MAP4K4: variants seen among roughly 807,000 people sequenced by gnomAD.
MAP4K4 encodes the protein mitogen-activated protein kinase kinase kinase kinase 4.
In MAP4K4, 38 loss-of-function variants were observed where a neutral mutation model predicts 189.6. The ratio of observed to expected loss-of-function variants is 0.20; its 90% CI spans 0.15 to 0.26. The LOEUF is 0.26. Among genes scored for constraint, MAP4K4 ranks in the 10% least tolerant of loss-of-function variants. MAP4K4 has a pLI of 1.00. For synonymous variants in MAP4K4, 610 were observed against 624.3 expected, an observed-to-expected ratio of 0.98 and a Z score of 0.34; for missense variants, 1,054 against 1,726.9, an observed-to-expected ratio of 0.61 and a Z score of 6.91.
At chr2:101,814,351 C>A (rs1360066228) in intron 3 of MAP4K4, among the ~76,000 whole-genome samples, 1 of 152,138 alleles carries the variant, frequency 6.6e-6, no homozygotes, top group Non-Finnish European at 1.5e-5. Flanking sequence ...TGAGTAACTT[C>A]TGTGGAAAGC....
At chr2:101,832,814 T>C (rs1411315371) in intron 7 of MAP4K4, among the ~76,000 whole-genome samples, 1 of 152,060 alleles carries the variant, frequency 6.6e-6, no homozygotes, top group Non-Finnish European at 1.5e-5. Context: ...TGTTTTTGTT[T>C]TTCCATAAAA....
intron 2 of MAP4K4, among the ~76,000 whole-genome samples, chr2:101,720,866 A>G (rs2051467569): frequency 6.6e-6 from 1 of 152,250 alleles, no homozygotes; most frequent in Non-Finnish European, 1.5e-5. Flanking sequence ...TGGTTTAGGC[A>G]TAGTTGATCA....
intron 7 of MAP4K4, among the ~76,000 whole-genome samples, chr2:101,833,348 T>A (rs1344751577): frequency 6.6e-6 from 1 of 152,148 alleles, no homozygotes; most frequent in Non-Finnish European, 1.5e-5. Context: ...TGGCCGGGCA[T>A]GGTGGCTCAC....
chr2:101,869,411 G>C (rs111695415), intron 21 of MAP4K4, among the ~76,000 whole-genome samples: 2 of 148,892 alleles, frequency 1.3e-5, no homozygotes, highest in Non-Finnish European at 1.5e-5. Flanking sequence ...ACTTTTTTTT[G>C]GTGTCTTCTA....
At chr2:101,712,679 A>G (rs1366426429) in intron 2 of MAP4K4, among the ~76,000 whole-genome samples, 4 of 151,268 alleles carry the variant, frequency 2.6e-5, no homozygotes, top group African/African-American at 9.7e-5. Flanking sequence ...TATTTTTAGT[A>G]GAGATGGATT....
chr2:101,851,819 T>G (rs1217163681), intron 12 of MAP4K4, among the ~76,000 whole-genome samples: 1 of 147,556 alleles, frequency 6.8e-6, no homozygotes, highest in African/African-American at 2.5e-5. Context: ...TGGGATAGTC[T>G]TGGGAGATTT....
chr2:101,714,209 A>G (rs1332798467), intron 2 of MAP4K4, among the ~76,000 whole-genome samples: 1 of 152,180 alleles, frequency 6.6e-6, no homozygotes, highest in African/African-American at 2.4e-5. Flanking sequence ...AACCATTTTC[A>G]TGTAATTTTT....
intron 2 of MAP4K4, among the ~76,000 whole-genome samples, chr2:101,734,427 TG>T (rs1361461760): frequency 2.6e-5 from 4 of 152,232 alleles, no homozygotes; most frequent in Non-Finnish European, 4.4e-5. Context: ...TAATTTAGTA[TG>T]GATATCAGGT....
At chr2:101,804,241 C>T (rs554521319) in intron 3 of MAP4K4, among the ~76,000 whole-genome samples, 16 of 152,144 alleles carry the variant, frequency 1.1e-4, no homozygotes, top group Non-Finnish European at 2.2e-4. Context: ...GCTTGCAGAT[C>T]GTTTTGCAAT....
At chr2:101,860,553 T>G (rs1444977374) in intron 15 of MAP4K4, 3 of 289,112 alleles carry the variant, frequency 1.0e-5, no homozygotes, top group African/African-American at 2.2e-5. Context: ...TTTTTTCTAC[T>G]TCATCATCAT....
At chr2:101,805,072 C>CAAAAA (rs36081384) in intron 3 of MAP4K4, among the ~76,000 whole-genome samples, 146 of 56,214 alleles carry the variant, frequency 2.6e-3, no homozygotes, top group African/African-American at 3.6e-3. Context: ...GACTCCAGAT[C>CAAAAA]AAAAAAAAAA....
exon 33 of MAP4K4, chr2:101,891,785 A>G (rs2098570950): frequency 2.0e-5 from 3 of 150,804 alleles, no homozygotes; most frequent in Admixed American, 6.6e-5. Context: ...AAAGAAGAAG[A>G]TGCAGGTTTA....
chr2:101,750,072 T>C (rs377091773), intron 2 of MAP4K4, among the ~76,000 whole-genome samples: 6 of 149,898 alleles, frequency 4.0e-5, no homozygotes, highest in South Asian at 2.1e-4. Context: ...GGACTGTAAA[T>C]TAGTTCAACC....
chr2:101,778,922 C>A (rs1482621491), intron 2 of MAP4K4, among the ~76,000 whole-genome samples: 1 of 152,124 alleles, frequency 6.6e-6, no homozygotes. Flanking sequence ...CGGAATTCCA[C>A]CTCACCCCTC....
intron 3 of MAP4K4, among the ~76,000 whole-genome samples, chr2:101,798,003 C>T (rs544143707): frequency 6.8e-6 from 1 of 146,732 alleles, no homozygotes; most frequent in Non-Finnish European, 1.5e-5. Context: ...CATCGTACCT[C>T]AAATTCCTAG....
chr2:101,698,972 A>G (rs1484244935), intron 2 of MAP4K4, among the ~76,000 whole-genome samples: 3 of 152,174 alleles, frequency 2.0e-5, no homozygotes, highest in African/African-American at 7.2e-5. Flanking sequence ...GCCTCCACTC[A>G]GTGCTTGCCA....
chr2:101,849,157 G>C (rs1367813141), intron 12 of MAP4K4, among the ~76,000 whole-genome samples: 6 of 152,100 alleles, frequency 3.9e-5, no homozygotes, highest in Admixed American at 3.9e-4. Context: ...GGGTTTTGCT[G>C]TGTCACCCAG....
chr2:101,708,816 A>G (rs2043839204), intron 2 of MAP4K4, among the ~76,000 whole-genome samples: 2 of 152,202 alleles, frequency 1.3e-5, no homozygotes, highest in Admixed American at 6.5e-5. Context: ...ATCTGCCAGT[A>G]TTAATTTGCC....
intron 2 of MAP4K4, among the ~76,000 whole-genome samples, chr2:101,755,435 A>G (rs2071899625): frequency 6.6e-6 from 1 of 151,954 alleles, no homozygotes. Flanking sequence ...CCCAAGAGAA[A>G]CTCTTGTGGA....
Sources: gnomAD v4.1 joint callset for allele counts (sites outside exome capture counted in the v4.1 genomes callset) on GRCh38, gnomAD v4.1.1 for gene constraint, MANE v1.5 for transcripts, NCBI Gene and HGNC (gene_info 2026-07-23, HGNC 2026-07-21) for gene names.